The following ATOSA variants were observed in gnomAD, a reference collection of about 807,000 sequenced individuals.
ATOSA encodes atos homolog protein A.
At chr15:52,689,712 A>G in the ATOSA span, among the ~76,000 whole-genome samples, 1 of 152,212 alleles carries the variant, frequency 6.6e-6, no homozygotes, top group Non-Finnish European at 1.5e-5. Context: ...GCTCAGTGCT[A>G]GAGAACTGAG....
the ATOSA span, among the ~76,000 whole-genome samples, chr15:52,622,066 C>T: frequency 6.6e-6 from 1 of 151,926 alleles, no homozygotes; most frequent in Admixed American, 6.6e-5. Flanking sequence ...AGGGTGGTCT[C>T]GAACTCCTGA....
the ATOSA span, among the ~76,000 whole-genome samples, chr15:52,631,505 T>C: frequency 1.3e-5 from 2 of 152,220 alleles, no homozygotes; most frequent in Non-Finnish European, 2.9e-5. Flanking sequence ...TACAATATTG[T>C]TCAACTTTCC....
At chr15:52,651,809 A>G in the ATOSA span, 6 of 1,495,264 alleles carry the variant, frequency 4.0e-6, no homozygotes, top group Non-Finnish European at 5.4e-6. Flanking sequence ...CCAACTGGTA[A>G]ACAGCTACAG....
the ATOSA span, among the ~76,000 whole-genome samples, chr15:52,664,448 C>G: frequency 6.6e-6 from 1 of 152,184 alleles, no homozygotes; most frequent in African/African-American, 2.4e-5. Flanking sequence ...TCTTTCAATC[C>G]TCGCAGAAAC....
At chr15:52,592,849 A>G in the ATOSA span, among the ~76,000 whole-genome samples, 4 of 152,116 alleles carry the variant, frequency 2.6e-5, no homozygotes, top group African/African-American at 9.7e-5. Context: ...CTAGTATCCT[A>G]AAGAACTCTA....
the ATOSA span, among the ~76,000 whole-genome samples, chr15:52,682,712 T>G: frequency 6.6e-6 from 1 of 152,304 alleles, no homozygotes; most frequent in South Asian, 2.1e-4. Flanking sequence ...TAAAGATGAG[T>G]AGAATTAAAA....
At chr15:52,624,328 A>G in the ATOSA span, among the ~76,000 whole-genome samples, 2 of 152,182 alleles carry the variant, frequency 1.3e-5, no homozygotes, top group African/African-American at 2.4e-5. Flanking sequence ...TCCATGAGAA[A>G]GCCCATTCCT....
chr15:52,658,551 G>A, the ATOSA span: 1 of 384,492 alleles, frequency 2.6e-6, no homozygotes, highest in African/African-American at 2.1e-5. Flanking sequence ...TGCCTCAATT[G>A]AAGCTCGCAC....
the ATOSA span, among the ~76,000 whole-genome samples, chr15:52,613,102 T>A: frequency 1.3e-5 from 2 of 152,160 alleles, no homozygotes; most frequent in African/African-American, 4.8e-5. Context: ...GCGTCCTGGC[T>A]CATGCCTGTA....
chr15:52,677,697 A>C, the ATOSA span, among the ~76,000 whole-genome samples: 14 of 152,250 alleles, frequency 9.2e-5, no homozygotes, highest in Admixed American at 7.9e-4. Flanking sequence ...CCTAAAAACG[A>C]GCAAGTACAA....
chr15:52,656,346 C>T, the ATOSA span: 1 of 152,024 alleles, frequency 6.6e-6, no homozygotes, highest in Non-Finnish European at 1.5e-5. Context: ...TATTGACTTC[C>T]ACTTACATGA....
the ATOSA span, among the ~76,000 whole-genome samples, chr15:52,673,558 C>A: frequency 6.6e-5 from 10 of 152,218 alleles, no homozygotes; most frequent in African/African-American, 1.9e-4. Flanking sequence ...ATGTGAAGTA[C>A]TTAAGACAGT....
the ATOSA span, chr15:52,585,000 C>T: frequency 7.0e-7 from 1 of 1,419,856 alleles, no homozygotes; most frequent in Admixed American, 2.1e-5. Context: ...TGATGTGATT[C>T]AGAATGATTG....
At chr15:52,680,064 T>A in the ATOSA span, among the ~76,000 whole-genome samples, 1 of 139,038 alleles carries the variant, frequency 7.2e-6, no homozygotes, top group Admixed American at 7.6e-5. Flanking sequence ...GTGCTAAAAA[T>A]AATCTTCATA....
At chr15:52,677,368 TAAAG>T in the ATOSA span, among the ~76,000 whole-genome samples, 786 of 152,342 alleles carry the variant, frequency 5.2e-3, 4 homozygotes, top group African/African-American at 0.018. Flanking sequence ...AGAAGACTGA[TAAAG>T]AATTACCTTG....
the ATOSA span, among the ~76,000 whole-genome samples, chr15:52,652,301 A>C: frequency 6.6e-6 from 1 of 152,240 alleles, no homozygotes; most frequent in Non-Finnish European, 1.5e-5. Flanking sequence ...GTTGCTTTTA[A>C]AACAGAGAAA....
At chr15:52,645,818 A>G in the ATOSA span, among the ~76,000 whole-genome samples, 1 of 152,180 alleles carries the variant, frequency 6.6e-6, no homozygotes, top group African/African-American at 2.4e-5. Flanking sequence ...CTCATACAGA[A>G]AGAACTCTGA....
chr15:52,706,336 C>G, the ATOSA span, among the ~76,000 whole-genome samples: 1 of 152,166 alleles, frequency 6.6e-6, no homozygotes, highest in South Asian at 2.1e-4. Flanking sequence ...CTTGACTAGC[C>G]TCAGTCTATG....
chr15:52,699,852 G>A, the ATOSA span, among the ~76,000 whole-genome samples: 1 of 152,090 alleles, frequency 6.6e-6, no homozygotes, highest in African/African-American at 2.4e-5. Flanking sequence ...GATACTAGTG[G>A]CATCAGCAGC....
Sources: allele counts gnomAD v4.1 joint callset (sites outside exome capture counted in the v4.1 genomes callset), GRCh38; gene constraint gnomAD v4.1.1; transcripts MANE v1.5; gene names NCBI Gene and HGNC (gene_info 2026-07-23, HGNC 2026-07-21).